Variants in OR51B5 observed in about 807,000 individuals in gnomAD.
OR51B5 encodes the protein olfactory receptor 51B5.
For synonymous variants in OR51B5, 186 were observed against 144.8 expected, an observed-to-expected ratio of 1.28 and a Z score of -2.04; for missense variants, 456 against 374.6, an observed-to-expected ratio of 1.22 and a Z score of -1.79.
At chr11:5,480,152 ACTAT>A (rs1459769141) in intron 1 of OR51B5, among the ~76,000 whole-genome samples, 1 of 152,112 alleles carries the variant, frequency 6.6e-6, no homozygotes, top group African/African-American at 2.4e-5. Context: ...ATTATAACAA[ACTAT>A]CTCTCAGACC....
exon 1 of OR51B5, chr11:5,342,785 A>G (rs761321599): frequency 8.7e-6 from 14 of 1,613,678 alleles, no homozygotes; most frequent in East Asian, 4.5e-5. Context: ...ATAAAAAACC[A>G]GGACACAGCA....
chr11:5,440,615 C>G, intron 1 of OR51B5: 1 of 1,613,716 alleles, frequency 6.2e-7, no homozygotes, highest in Non-Finnish European at 8.5e-7. Context: ...CTTTGCGGAT[C>G]TCCTTGGTTT....
chr11:5,447,013 T>A (rs930926968), intron 1 of OR51B5, among the ~76,000 whole-genome samples: 2 of 152,156 alleles, frequency 1.3e-5, no homozygotes, highest in African/African-American at 4.8e-5. Flanking sequence ...TCCCTAGAAC[T>A]CTAAAACATC....
intron 1 of OR51B5, among the ~76,000 whole-genome samples, chr11:5,365,242 T>G (rs1008066629): frequency 6.6e-6 from 1 of 152,164 alleles, no homozygotes; most frequent in Non-Finnish European, 1.5e-5. Flanking sequence ...CATGGAAACA[T>G]CTAGTGAACC....
intron 1 of OR51B5, among the ~76,000 whole-genome samples, chr11:5,409,000 G>C (rs1446370071): frequency 6.6e-6 from 1 of 151,982 alleles, no homozygotes; most frequent in Non-Finnish European, 1.5e-5. Flanking sequence ...CCAACTTGTT[G>C]ATCTATAGGT....
At chr11:5,380,037 A>G (rs1323848967) in intron 1 of OR51B5, among the ~76,000 whole-genome samples, 1 of 152,156 alleles carries the variant, frequency 6.6e-6, no homozygotes, top group Non-Finnish European at 1.5e-5. Flanking sequence ...GTTATAGCAA[A>G]TCAAAATATG....
chr11:5,485,338 A>G (rs754658393), intron 1 of OR51B5, among the ~76,000 whole-genome samples: 4 of 152,236 alleles, frequency 2.6e-5, no homozygotes, highest in Admixed American at 1.3e-4. Flanking sequence ...TTCAGAAGTT[A>G]TAATAGTGAG....
At chr11:5,426,888 G>C (rs1382589536) in intron 1 of OR51B5, among the ~76,000 whole-genome samples, 1 of 152,126 alleles carries the variant, frequency 6.6e-6, no homozygotes, top group Admixed American at 6.5e-5. Flanking sequence ...CAGGAGAAAA[G>C]AGACTAAAGT....
intron 1 of OR51B5, among the ~76,000 whole-genome samples, chr11:5,414,280 A>C (rs534210782): frequency 6.6e-6 from 1 of 151,330 alleles, no homozygotes; most frequent in Non-Finnish European, 1.5e-5. Flanking sequence ...CTCCTGAAGG[A>C]AGCACTAAAC....
At chr11:5,446,030 T>A (rs901106925) in intron 1 of OR51B5, among the ~76,000 whole-genome samples, 1 of 152,014 alleles carries the variant, frequency 6.6e-6, no homozygotes, top group African/African-American at 2.4e-5. Flanking sequence ...CCGCATGTTC[T>A]CACTCATAGG....
At chr11:5,352,466 G>A (rs1391429450) in intron 1 of OR51B5, 3 of 1,484,752 alleles carry the variant, frequency 2.0e-6, no homozygotes, top group African/African-American at 1.4e-5. Flanking sequence ...ACTGGTCTCT[G>A]AGGAATAATT....
chr11:5,414,544 C>CA (rs1449649724), intron 1 of OR51B5, among the ~76,000 whole-genome samples: 1 of 151,790 alleles, frequency 6.6e-6, no homozygotes, highest in Non-Finnish European at 1.5e-5. Context: ...ACCCATCTCA[C>CA]ATGCAGAGAC....
At chr11:5,373,321 T>C (rs1201793074) in intron 1 of OR51B5, among the ~76,000 whole-genome samples, 1 of 152,194 alleles carries the variant, frequency 6.6e-6, no homozygotes, top group Non-Finnish European at 1.5e-5. Context: ...CGATTTTTTC[T>C]TTCACAAATA....
intron 1 of OR51B5, among the ~76,000 whole-genome samples, chr11:5,350,064 C>A (rs955909124): frequency 6.6e-6 from 1 of 152,182 alleles, no homozygotes; most frequent in Non-Finnish European, 1.5e-5. Context: ...ATAATCCTGA[C>A]ATGTACTCAC....
intron 1 of OR51B5, among the ~76,000 whole-genome samples, chr11:5,386,411 C>G (rs1849695836): frequency 6.6e-6 from 1 of 152,100 alleles, no homozygotes; most frequent in African/African-American, 2.4e-5. Flanking sequence ...GATTGTTTAC[C>G]TTTTTGTAGT....
At chr11:5,425,160 A>C (rs911216405) in intron 1 of OR51B5, among the ~76,000 whole-genome samples, 1 of 152,054 alleles carries the variant, frequency 6.6e-6, no homozygotes, top group African/African-American at 2.4e-5. Context: ...GCATTCTCAC[A>C]ATAGAATTTA....
chr11:5,408,447 T>C (rs953559712), intron 1 of OR51B5, among the ~76,000 whole-genome samples: 1 of 144,616 alleles, frequency 6.9e-6, no homozygotes, highest in Admixed American at 6.9e-5. Flanking sequence ...TTGGATATAA[T>C]TTGGAAAAAA....
At chr11:5,442,560 C>A (rs936806889) in intron 1 of OR51B5, among the ~76,000 whole-genome samples, 9 of 152,168 alleles carry the variant, frequency 5.9e-5, no homozygotes, top group Admixed American at 1.3e-4. Context: ...TCTCTACCCA[C>A]CACTCTATGA....
At chr11:5,373,698 G>A (rs1002232046) in intron 1 of OR51B5, among the ~76,000 whole-genome samples, 4 of 152,206 alleles carry the variant, frequency 2.6e-5, no homozygotes, top group Non-Finnish European at 5.9e-5. Flanking sequence ...GGCTCCGAGG[G>A]TCCTACGCCC....
Sources: gnomAD v4.1 joint callset for allele counts (sites outside exome capture counted in the v4.1 genomes callset) on GRCh38, gnomAD v4.1.1 for gene constraint, MANE v1.5 for transcripts, NCBI Gene and HGNC (gene_info 2026-07-23, HGNC 2026-07-21) for gene names.